The following SLC1A2 variants were observed in gnomAD, a reference collection of about 807,000 sequenced individuals.
The protein encoded by SLC1A2 is excitatory amino acid transporter 2.
A neutral mutation model predicts 48.8 loss-of-function variants in SLC1A2; 15 were observed. The ratio of observed to expected loss-of-function variants is 0.31; its 90% CI spans 0.21 to 0.47. The LOEUF (loss-of-function observed/expected upper bound fraction) is 0.47, where lower values mean the gene tolerates loss of function less well. Ranked by LOEUF, SLC1A2 falls within the 20% of genes least tolerant of loss-of-function variation. The probability of loss-of-function intolerance (pLI) is 0.99; values close to 1 mark genes in which losing one functional copy is unlikely to be tolerated. For synonymous variants in SLC1A2, 279 were observed against 272.6 expected, an observed-to-expected ratio of 1.02 and a Z score of -0.23; for missense variants, 502 against 730.5, an observed-to-expected ratio of 0.69 and a Z score of 3.61.
At chr11:35,301,410 A>T in intron 6 of SLC1A2, 109 bp downstream of exon 6, 3 of 937,404 alleles carry the variant, frequency 3.2e-6, no homozygotes, top group Non-Finnish European at 4.9e-6. Flanking sequence ...CTGGAAAGAC[A>T]TTTGATCAGC....
At chr11:35,420,404 C>T (rs1470389923), upstream of SLC1A2, 1 of 152,258 alleles carries the variant, frequency 6.6e-6, no homozygotes, top group Non-Finnish European at 1.5e-5. Context: ...AACCTAGGGT[C>T]CCACTACTTG....
At chr11:35,281,230 A>G (rs1850624329) in intron 8 of SLC1A2, among the ~76,000 whole-genome samples, 1 of 152,180 alleles carries the variant, frequency 6.6e-6, no homozygotes, top group African/African-American at 2.4e-5. Flanking sequence ...AAATTCATGG[A>G]CTGGAGCCTT....
intron 1 of SLC1A2, among the ~76,000 whole-genome samples, chr11:35,336,599 C>A (rs1407194492): frequency 6.6e-6 from 1 of 152,170 alleles, no homozygotes; most frequent in Admixed American, 6.5e-5. Context: ...CTATTATTAT[C>A]CTCATTTTAT....
At chr11:35,321,344 C>G (rs976226538) in intron 1 of SLC1A2, among the ~76,000 whole-genome samples, 1 of 152,094 alleles carries the variant, frequency 6.6e-6, no homozygotes, top group Non-Finnish European at 1.5e-5. Context: ...GGGGAGGCAG[C>G]ATGAGTTTGT....
At chr11:35,343,852 A>C (rs1278035836) in intron 1 of SLC1A2, among the ~76,000 whole-genome samples, 2 of 152,052 alleles carry the variant, frequency 1.3e-5, no homozygotes, top group Admixed American at 1.3e-4. Flanking sequence ...ACACACACAC[A>C]CACACAGATC....
chr11:35,304,054 C>T (rs545541704), intron 5 of SLC1A2, among the ~76,000 whole-genome samples: 2 of 152,132 alleles, frequency 1.3e-5, no homozygotes, highest in Non-Finnish European at 2.9e-5. Context: ...GGATGGAAAC[C>T]GTATTCAGCT....
chr11:35,307,371 T>C (rs951642876), intron 4 of SLC1A2: 2 of 152,224 alleles, frequency 1.3e-5, no homozygotes, highest in Non-Finnish European at 2.9e-5. Context: ...TTTCTCAATG[T>C]TCCCCAAGTG....
At chr11:35,339,304 A>C (rs1336023837) in intron 1 of SLC1A2, among the ~76,000 whole-genome samples, 2 of 152,236 alleles carry the variant, frequency 1.3e-5, no homozygotes, top group Non-Finnish European at 2.9e-5. Context: ...TTCTGTGTCA[A>C]GGAGTCAGTC....
At chr11:35,389,594 C>T (rs556402311) in intron 1 of SLC1A2, among the ~76,000 whole-genome samples, 41 of 152,066 alleles carry the variant, frequency 2.7e-4, no homozygotes, top group African/African-American at 8.0e-4. Context: ...CCTCAGCCTC[C>T]GGAGTAGCTG....
intron 1 of SLC1A2, among the ~76,000 whole-genome samples, chr11:35,362,244 C>T (rs1853708802): frequency 6.6e-6 from 1 of 152,244 alleles, no homozygotes; most frequent in South Asian, 2.1e-4. Context: ...TCTAGACACA[C>T]TCCTCACCAT....
chr11:35,320,086 T>G (rs991127584), intron 1 of SLC1A2, among the ~76,000 whole-genome samples: 1 of 152,138 alleles, frequency 6.6e-6, no homozygotes, highest in Non-Finnish European at 1.5e-5. Context: ...GAGACTGACA[T>G]GGGAACTATC....
rs538704344 is a variant in SLC1A2 at position 35,253,301 on chromosome 11, C to T, written c.*7593G>A. On this transcript the variant is annotated 3_prime_UTR_variant, in exon 11 of 11. Transcript: ENST00000278379. Reference sequence around the variant, plus strand: ...AAAAATATGTGCTCAATTCACATAACAATGTGACATTTACCACTAATTTGC... The same window carrying T: ...AAAAATATGTGCTCAATTCACATAATAATGTGACATTTACCACTAATTTGC... The T allele has an allele frequency of 1.3e-5, 2 of 152,612 alleles. No homozygotes were observed. The highest frequency in any genetic ancestry group is 4.8e-5 in the African/African-American group (2 of 41,526). The allele number at this position is 152,612 out of a possible 1,614,324, so 9.5% of individuals were successfully genotyped here. A position where few individuals can be genotyped will look rare whatever the true frequency, so the allele number is the denominator to read the frequency against.
chr11:35,372,205 T>A (rs966391566), intron 1 of SLC1A2, among the ~76,000 whole-genome samples: 3 of 152,342 alleles, frequency 2.0e-5, no homozygotes, highest in East Asian at 1.9e-4. Flanking sequence ...CCTTGGCCTC[T>A]CTTGTCTCTT....
At chr11:35,359,861 T>C (rs893600443) in intron 1 of SLC1A2, among the ~76,000 whole-genome samples, 1 of 152,236 alleles carries the variant, frequency 6.6e-6, no homozygotes, top group African/African-American at 2.4e-5. Flanking sequence ...CGAAATCACA[T>C]TATTTCAGCC....
intron 10 of SLC1A2, among the ~76,000 whole-genome samples, chr11:35,262,256 A>G (rs183064899): frequency 6.6e-6 from 1 of 152,354 alleles, no homozygotes; most frequent in Admixed American, 6.5e-5. Context: ...CCGCATCAAT[A>G]GTGGTACAAA....
At chr11:35,335,590 G>A (rs1249886148) in intron 1 of SLC1A2, among the ~76,000 whole-genome samples, 4 of 152,210 alleles carry the variant, frequency 2.6e-5, no homozygotes, top group Non-Finnish European at 1.5e-5. Context: ...TGAATAATGT[G>A]AGGCTTCATT....
At chr11:35,419,834 G>T (rs985929732), upstream of SLC1A2, 3 of 383,666 alleles carry the variant, frequency 7.8e-6, no homozygotes, top group African/African-American at 6.4e-5. This position sits in a 1 kb window ranked among gnomAD's most constrained non-coding sequence, Gnocchi z 5.4. Context: ...ATGCCCCTCC[G>T]TCTCCGCCTC....
At chr11:35,268,342 T>C (rs1591405795) in intron 9 of SLC1A2, among the ~76,000 whole-genome samples, 1 of 152,186 alleles carries the variant, frequency 6.6e-6, no homozygotes, top group Non-Finnish European at 1.5e-5. Context: ...GTGATAATGA[T>C]GATGACAGTT....
intron 4 of SLC1A2, among the ~76,000 whole-genome samples, chr11:35,309,716 T>C (rs940430227): frequency 2.2e-4 from 22 of 98,948 alleles, no homozygotes; most frequent in African/African-American, 5.7e-4. Context: ...ACAGAAGATG[T>C]CTCTCACGCA....
Sources: gnomAD v4.1 joint callset for allele counts (sites outside exome capture counted in the v4.1 genomes callset) on GRCh38, gnomAD v4.1.1 for gene constraint, Gnocchi (gnomAD v3.1) non-coding constraint, MANE v1.5 for transcripts, NCBI Gene and HGNC (gene_info 2026-07-23, HGNC 2026-07-21) for gene names.